Variants in DPYSL5 observed in about 807,000 individuals in gnomAD.
DPYSL5 encodes dihydropyrimidinase-related protein 5.
A neutral mutation model predicts 58.4 loss-of-function variants in DPYSL5; 9 were observed. That is an observed-to-expected ratio of 0.15 (90% CI 0.09 to 0.27). The LOEUF (loss-of-function observed/expected upper bound fraction) is 0.27, where lower values mean the gene tolerates loss of function less well. Ranked by LOEUF, DPYSL5 falls within the 10% of genes least tolerant of loss-of-function variation. The pLI is 1.00. For synonymous variants in DPYSL5, 293 were observed against 301.9 expected (o/e 0.97, Z 0.31); for missense variants, 499 against 770.6 (o/e 0.65, Z 4.17).
intron 1 of DPYSL5, among the ~76,000 whole-genome samples, chr2:26,882,455 G>GTA (rs1423389458): frequency 1.3e-5 from 2 of 150,040 alleles, no homozygotes; most frequent in South Asian, 2.1e-4. Flanking sequence ...GTGTGTGTGT[G>GTA]TATGTGTGTG....
intron 2 of DPYSL5, among the ~76,000 whole-genome samples, chr2:26,903,297 C>T (rs989638827): frequency 1.3e-5 from 2 of 152,168 alleles, no homozygotes; most frequent in African/African-American, 4.8e-5. Context: ...GTCTCAAACT[C>T]CTGACCTCGT....
intron 1 of DPYSL5, among the ~76,000 whole-genome samples, chr2:26,859,493 C>T (rs1372935002): frequency 2.6e-5 from 4 of 152,042 alleles, no homozygotes; most frequent in Non-Finnish European, 4.4e-5. Flanking sequence ...TCCTGATCAG[C>T]AAATACTTTC....
chr2:26,929,071 C>A (rs1036738797), intron 5 of DPYSL5, among the ~76,000 whole-genome samples: 2 of 152,002 alleles, frequency 1.3e-5, no homozygotes, highest in East Asian at 3.9e-4. Flanking sequence ...CAGCTGAGAG[C>A]CCCCTGGGCT....
chr2:26,928,704 T>TAC (rs1553320464), intron 5 of DPYSL5, among the ~76,000 whole-genome samples: 1,313 of 63,012 alleles, frequency 0.021, 153 homozygotes, highest in African/African-American at 0.058. Context: ...TATATATATA[T>TAC]ACACACACAC....
At position 26,946,903 on chromosome 2, in the gene DPYSL5, C is replaced by T. The variant is rs943416322; in HGVS notation, c.1610-7C>T. On this transcript the variant is annotated splice_region_variant and splice_polypyrimidine_tract_variant and intron_variant, in intron 12 of 12. Transcript: ENST00000288699. ...CCGTCTCACCCTCTGTGCTTCCTTC[C>T]CTGCAGGCTCTCAGATCGATGACCA... The T allele has an allele frequency of 6.2e-7, 1 of 1,613,416 alleles. No individual in the cohort carries two copies. Among genetic ancestry groups the T allele is most frequent in the Non-Finnish European group, 8.5e-7 (1 of 1,179,326 alleles).
At chr2:26,875,440 T>G (rs1369116077) in intron 1 of DPYSL5, among the ~76,000 whole-genome samples, 1 of 152,158 alleles carries the variant, frequency 6.6e-6, no homozygotes, top group African/African-American at 2.4e-5. Context: ...GGGCAGGCCT[T>G]GACTCCCTGA....
chr2:26,868,607 T>A (rs972988022), intron 1 of DPYSL5, among the ~76,000 whole-genome samples: 1 of 152,228 alleles, frequency 6.6e-6, no homozygotes, highest in Non-Finnish European at 1.5e-5. Context: ...CCCCACTGAA[T>A]TGAAATATCA....
At chr2:26,851,513 G>A (rs1225630036) in intron 1 of DPYSL5, among the ~76,000 whole-genome samples, 3 of 152,150 alleles carry the variant, frequency 2.0e-5, no homozygotes, top group Non-Finnish European at 2.9e-5. Flanking sequence ...GCACTTCCAC[G>A]TCTCTTCTCC....
rs564330048 is a variant in DPYSL5 at position 26,898,945 on chromosome 2, A to T, written c.261+185A>T. ...CGGCTTAACGTCACAGATTTCCATG[A>T]TTATAGAAAAGGAGGCGTTTAGGCT... is the stretch of plus-strand genomic sequence containing the variant. On this transcript the variant is annotated intron_variant, in intron 2 of 12. Coordinates refer to ENST00000288699, the MANE Select transcript of DPYSL5 (RefSeq NM_020134.4). The surrounding 1 kb of genome is among the most constrained non-coding windows in gnomAD (Gnocchi z 6.1). Among the ~76,000 whole-genome samples, 13 of 152,324 alleles carry T rather than the reference A, an allele frequency of 8.5e-5. No homozygotes were observed. In the South Asian group the frequency reaches 2.7e-3, roughly 32 times the overall value.
chr2:26,866,726 C>A (rs960778725), intron 1 of DPYSL5, among the ~76,000 whole-genome samples: 5 of 146,552 alleles, frequency 3.4e-5, no homozygotes, highest in Non-Finnish European at 6.0e-5. Flanking sequence ...CTTAAAAATT[C>A]TTCTTCTTTT....
Position 26,934,823 on chromosome 2 carries a change from T to G in DPYSL5, c.947+89T>G. The G allele has an allele frequency of 6.6e-7, 1 of 1,509,434 alleles. No individual in the cohort carries two copies. The highest frequency in any genetic ancestry group is 9.0e-7 in the Non-Finnish European group (1 of 1,106,408). 93.5% of individuals were successfully genotyped at this position (1,509,434 alleles called of 1,614,324 possible). A position where few individuals can be genotyped will look rare whatever the true frequency, so the allele number is the denominator to read the frequency against. ...CCAGGAAACAAATCTGAGCTAGGTT[T>G]GATTTCATTGTGCCCATAGGATCAT... On this transcript the variant is annotated intron_variant, in intron 8 of 12. Transcript: ENST00000288699. The surrounding 1 kb of genome is among the most constrained non-coding windows in gnomAD (Gnocchi z 4.3).
rs370287999 is a variant in DPYSL5, at chr2:26,928,339, T to G, written c.669+16T>G. The G allele has an allele frequency of 6.2e-7, 1 of 1,613,310 alleles. No homozygotes were observed. The highest frequency in any genetic ancestry group is 8.5e-7 in the Non-Finnish European group (1 of 1,179,522). ...TCCAGAGGAGGTGAGAAACACTTCC[T>G]GTAGCCTTTGTCAGCGTCTCTCATG... is the stretch of plus-strand genomic sequence containing the variant. On this transcript the variant is annotated intron_variant, in intron 5 of 12. Coordinates refer to ENST00000288699, the MANE Select transcript of DPYSL5 (RefSeq NM_020134.4).
At chr2:26,908,279 CTGTG>C (rs1337979077) in intron 2 of DPYSL5, among the ~76,000 whole-genome samples, 2 of 152,128 alleles carry the variant, frequency 1.3e-5, no homozygotes, top group African/African-American at 2.4e-5. Context: ...GTTCGAATTT[CTGTG>C]TGTGTTTTAG....
Position 26,942,193 on chromosome 2 carries a change from G to A in DPYSL5, c.1232+101G>A. The A allele has an allele frequency of 6.5e-7, 1 of 1,539,030 alleles. No homozygotes were observed. The highest frequency in any genetic ancestry group is 8.8e-7 in the Non-Finnish European group (1 of 1,138,536). The stretch of plus-strand genomic sequence containing the variant: ...AGCATATAATTTTGCACTATTTCTA[G>A]CACAAAATATGGCCCTGGCCTACCG... On this transcript the variant is annotated intron_variant, in intron 10 of 12. Transcript: ENST00000288699. The surrounding 1 kb of genome is among the most constrained non-coding windows in gnomAD (Gnocchi z 5.9).
At position 26,942,560 on chromosome 2, in the gene DPYSL5, C is replaced by T. The variant is rs1322002787; in HGVS notation, c.1250C>T (p.Thr417Met). 2.5e-6 allele frequency: 4 copies of T among 1,614,096 alleles called. No homozygotes were observed. The highest frequency in any genetic ancestry group is 3.4e-6 in the Non-Finnish European group (4 of 1,180,010). ...CCCACCAGGACCATCTCAGCCAGCA[C>T]GCAGGTCCAGGGAGGAGACTTCAAC... ...PEATKTISAS[T>M]QVQGGDFNLY... The change falls in exon 11 of 13, where the codon ACG (threonine) becomes ATG (methionine). Residue 417 changes from threonine (T) to methionine (M), a missense_variant. This residue lies in a region of DPYSL5 where 404 missense variants were observed against 647.6 expected (regional missense o/e 0.62). Coordinates refer to ENST00000288699, the MANE Select transcript of DPYSL5 (RefSeq NM_020134.4). This position sits in a 1 kb window ranked among gnomAD's most constrained non-coding sequence, Gnocchi z 5.9.
intron 1 of DPYSL5, among the ~76,000 whole-genome samples, chr2:26,886,908 G>T (rs891758653): frequency 1.3e-5 from 2 of 152,280 alleles, no homozygotes; most frequent in African/African-American, 4.8e-5. Context: ...AATAGCCATA[G>T]GTTTCCATTT....
chr2:26,894,232 C>T (rs1335064466), intron 1 of DPYSL5, among the ~76,000 whole-genome samples: 2 of 152,102 alleles, frequency 1.3e-5, no homozygotes, highest in Non-Finnish European at 2.9e-5. Context: ...GCCCCATTTC[C>T]TATGTGCACC....
At position 26,924,124 on chromosome 2, in the gene DPYSL5, TG is replaced by T. The variant is rs1664768112; in HGVS notation, c.262-758del. On this transcript the variant is annotated intron_variant, in intron 2 of 12. Transcript: ENST00000288699. This position sits in a 1 kb window ranked among gnomAD's most constrained non-coding sequence, Gnocchi z 4.7. ...CTAATACAGATTTAGTCATTTTTCC[TG>T]GGGGTTCACTCTATGATTGCGAGTG... is the stretch of plus-strand genomic sequence containing the variant. Among the ~76,000 whole-genome samples the T allele has an allele frequency of 6.6e-6, 1 of 152,230 alleles. No individual in the cohort carries two copies. The highest frequency in any genetic ancestry group is 2.1e-4 in the South Asian group (1 of 4,836).
intron 2 of DPYSL5, among the ~76,000 whole-genome samples, chr2:26,919,655 T>C (rs1004633878): frequency 6.6e-6 from 1 of 152,120 alleles, no homozygotes; most frequent in South Asian, 2.1e-4. Context: ...AGGGCTTGGG[T>C]TGATAAATGG....
Sources: gnomAD v4.1 joint callset for allele counts (sites outside exome capture counted in the v4.1 genomes callset) on GRCh38, gnomAD v4.1.1 for gene constraint, gnomAD v4.1.1 regional missense constraint, Gnocchi (gnomAD v3.1) non-coding constraint, MANE v1.5 for transcripts, NCBI Gene and HGNC (gene_info 2026-07-23, HGNC 2026-07-21) for gene names.